MYH9: variants seen among roughly 807,000 people sequenced by gnomAD.
MYH9 encodes the protein myosin-9.
In MYH9, 29 loss-of-function variants were observed where a neutral mutation model predicts 241.9. The observed-to-expected ratio is 0.12, with a 90% CI of 0.09 to 0.16. MYH9 has a LOEUF of 0.16. Ranked by LOEUF, MYH9 falls within the 10% of genes least tolerant of loss-of-function variation. MYH9 has a pLI of 1.00. For synonymous variants in MYH9, 1,047 were observed against 1,062.6 expected (o/e 0.99, Z 0.29); for missense variants, 1,803 against 2,595.5 (o/e 0.69, Z 6.63).
chr22:36,373,770 T>A (rs535309871), intron 1 of MYH9, among the ~76,000 whole-genome samples: 2 of 152,282 alleles, frequency 1.3e-5, no homozygotes, highest in Non-Finnish European at 2.9e-5. Context: ...CAAGACTCAA[T>A]AAAACTCGTG....
rs2016570312 is a variant in MYH9, at chr22:36,285,816, C to A, written c.5151-35G>T. 6.2e-7 allele frequency: 1 copy of A among 1,613,040 alleles called. No individual in the cohort carries two copies. The highest frequency in any genetic ancestry group is 8.5e-7 in the Non-Finnish European group (1 of 1,179,848). ...GGGCGGGAGAAGTGAGGGGCCTACC[C>A]TGGGGACACACCTGGTCCCCCCCAA... On this transcript the variant is annotated intron_variant, in intron 36 of 40. Coordinates refer to ENST00000216181, the MANE Select transcript of MYH9 (RefSeq NM_002473.6). This position sits in a 1 kb window ranked among gnomAD's most constrained non-coding sequence, Gnocchi z 7.0.
At chr22:36,357,797 T>A (rs1314096811) in intron 1 of MYH9, among the ~76,000 whole-genome samples, 2 of 152,214 alleles carry the variant, frequency 1.3e-5, no homozygotes, top group African/African-American at 4.8e-5. Context: ...TGACAGCTCC[T>A]TGTAACATAC....
At position 36,319,067 on chromosome 22, in the gene MYH9, T is replaced by C. The variant is rs1603483410; in HGVS notation, c.1108+473A>G. The stretch of plus-strand genomic sequence containing the variant: ...GTGAGCCACCACGCCCGGTCAGGAG[T>C]GTCTTTTACAATCCACACACCCATG... On this transcript the variant is annotated intron_variant, in intron 10 of 40. Coordinates refer to ENST00000216181, the MANE Select transcript of MYH9 (RefSeq NM_002473.6). Among the ~76,000 whole-genome samples the C allele has an allele frequency of 2.6e-5, 4 of 152,132 alleles. No homozygotes were observed. The East Asian group carries it at 7.7e-4, about 29-fold the overall frequency.
At chr22:36,316,906 T>C (rs2017162048) in intron 11 of MYH9, among the ~76,000 whole-genome samples, 1 of 152,124 alleles carries the variant, frequency 6.6e-6, no homozygotes, top group African/African-American at 2.4e-5. Context: ...TTAGATCTTT[T>C]GAAATAAAAT....
chr22:36,292,822 T>C (rs1166765345), intron 30 of MYH9, among the ~76,000 whole-genome samples: 1 of 152,194 alleles, frequency 6.6e-6, no homozygotes, highest in Non-Finnish European at 1.5e-5. Flanking sequence ...GTAACAGGCA[T>C]GAAATAAACA....
intron 5 of MYH9, chr22:36,325,178 G>C (rs940673475): frequency 3.0e-5 from 22 of 730,530 alleles, no homozygotes; most frequent in Non-Finnish European, 4.6e-5. Context: ...GAGAGAGAGA[G>C]AGACAGAGAG....
intron 1 of MYH9, among the ~76,000 whole-genome samples, chr22:36,365,635 A>G (rs541420552): frequency 1.3e-5 from 2 of 152,044 alleles, no homozygotes; most frequent in African/African-American, 2.4e-5. Flanking sequence ...TAAATTTTGT[A>G]TTTTTAGCAG....
At chr22:36,353,373 T>A (rs1254105492) in intron 1 of MYH9, among the ~76,000 whole-genome samples, 1 of 152,170 alleles carries the variant, frequency 6.6e-6, no homozygotes, top group Non-Finnish European at 1.5e-5. Flanking sequence ...TGAAACTTTT[T>A]TTTTTGAGAC....
rs2016631056 is a variant in MYH9, at chr22:36,288,658, G to C, written c.4770+69C>G. 6.4e-7 allele frequency: 1 copy of C among 1,565,218 alleles called. No homozygotes were observed. The highest frequency in any genetic ancestry group is 8.7e-7 in the Non-Finnish European group (1 of 1,149,810). On this transcript the variant is annotated intron_variant, in intron 33 of 40. Transcript: ENST00000216181. This position sits in a 1 kb window ranked among gnomAD's most constrained non-coding sequence, Gnocchi z 4.8. The stretch of plus-strand genomic sequence containing the variant: ...CCCTAACACAATCCAGGTGGAAGGA[G>C]AGAACAGAAGCCTGCGTGAAGCCAA...
At chr22:36,298,871 C>A (rs1359164716) in intron 24 of MYH9, 48 bp downstream of exon 24, 1 of 1,609,174 alleles carries the variant, frequency 6.2e-7, no homozygotes, top group Non-Finnish European at 8.5e-7. Context: ...ACCGCCAGCC[C>A]TTGCCCGCCA....
rs148109368 is a variant in MYH9 at position 36,285,872 on chromosome 22, C to T, written c.5143G>A (p.Gly1715Ser). ...CCCCCTCACTCAGCTCACCCTTTGC[C>T]GCTGCTGTTGGCGATCTCGTCAGCC... ...ELADEIANSS[G>S]KGALALEEKR... is the part of the protein sequence containing the mutation. The change falls in exon 36 of 41, where the codon GGC becomes AGC. Residue 1715 changes from glycine to serine, a missense_variant. Coordinates refer to ENST00000216181, the MANE Select transcript of MYH9 (RefSeq NM_002473.6). This position sits in a 1 kb window ranked among gnomAD's most constrained non-coding sequence, Gnocchi z 7.0. The T allele has an allele frequency of 2.4e-3, 3,814 of 1,613,758 alleles. 11 individuals are homozygous for T. The highest frequency in any genetic ancestry group is 2.9e-3 in the Non-Finnish European group (3,465 of 1,180,014).
intron 5 of MYH9, chr22:36,325,095 C>T (rs781268293): frequency 3.9e-6 from 3 of 774,656 alleles, no homozygotes; most frequent in African/African-American, 1.7e-5. Context: ...AACTCCTAAC[C>T]TCACAGCTCT....
intron 27 of MYH9, 123 bp from the exon 28 acceptor site, chr22:36,294,421 C>A (rs1013399101): frequency 1.6e-5 from 17 of 1,037,426 alleles, no homozygotes; most frequent in East Asian, 2.6e-5. Context: ...GGTGTGCCTG[C>A]GTCCTGGACT....
intron 2 of MYH9, among the ~76,000 whole-genome samples, chr22:36,344,272 C>T (rs1189040715): frequency 6.6e-6 from 1 of 152,196 alleles, no homozygotes; most frequent in Non-Finnish European, 1.5e-5. Context: ...GCCACAGAGG[C>T]TCTTTGTGCC....
Position 36,384,903 on chromosome 22 carries a change from C to G in MYH9, c.-20+2904G>C, listed in dbSNP as rs561593693. ...AAGAGTGGGATTCAGTAAGCCACAGCAGCAGCACTGCCAGGGCTCCATTCT... is the reference window on the plus strand; with the variant it reads ...AAGAGTGGGATTCAGTAAGCCACAGGAGCAGCACTGCCAGGGCTCCATTCT... On this transcript the variant is annotated intron_variant, in intron 1 of 40. Coordinates refer to ENST00000216181, the MANE Select transcript of MYH9 (RefSeq NM_002473.6). Among the ~76,000 whole-genome samples, 4 of 151,958 alleles carry G rather than the reference C, an allele frequency of 2.6e-5. No homozygotes were observed. The East Asian group carries it at 7.7e-4, about 29-fold the overall frequency.
intron 1 of MYH9, among the ~76,000 whole-genome samples, chr22:36,360,030 A>ACAACACCACCAC (rs528391200): frequency 6.3e-4 from 64 of 102,244 alleles, no homozygotes; most frequent in Non-Finnish European, 9.1e-4. Flanking sequence ...ATGAGGACAA[A>ACAACACCACCAC]CACCACCACC....
chr22:36,382,582 C>T (rs540698834), intron 1 of MYH9, among the ~76,000 whole-genome samples: 3 of 152,016 alleles, frequency 2.0e-5, no homozygotes, highest in African/African-American at 4.8e-5. Flanking sequence ...GCGGGTGGAT[C>T]GCCTGAGGTC....
rs2016496695 is a variant in MYH9 at position 36,281,981 on chromosome 22, G to C, written c.*687C>G. On this transcript the variant is annotated 3_prime_UTR_variant, in exon 41 of 41. Transcript: ENST00000216181. ...GGCAGGCTGTCCTCGGTAAAGGAGG[G>C]GAGGGGGCATTGCACTTGAGACATT... is the stretch of plus-strand genomic sequence containing the variant. 1 of 233,594 alleles carries C rather than the reference G, an allele frequency of 4.3e-6. No individual in the cohort carries two copies. The highest frequency in any genetic ancestry group is 2.2e-5 in the African/African-American group (1 of 45,318). 14.5% of individuals were successfully genotyped at this position (233,594 alleles called of 1,614,324 possible).
chr22:36,353,921 G>C (rs769916245), intron 1 of MYH9, among the ~76,000 whole-genome samples: 14 of 152,032 alleles, frequency 9.2e-5, no homozygotes, highest in Middle Eastern at 3.2e-3. Context: ...TGTTTTTTGA[G>C]ATGAAGTCTT....
Sources: allele counts gnomAD v4.1 joint callset (sites outside exome capture counted in the v4.1 genomes callset), GRCh38; gene constraint gnomAD v4.1.1; non-coding constraint Gnocchi (gnomAD v3.1); transcripts MANE v1.5; gene names NCBI Gene and HGNC (gene_info 2026-07-23, HGNC 2026-07-21).